The following PILRA variants were observed in gnomAD, a reference collection of about 807,000 sequenced individuals.
PILRA encodes the protein paired immunoglobin like type 2 receptor alpha, also known as paired immunoglobulin-like type 2 receptor alpha.
PILRA carries 37 observed loss-of-function variants against 33.1 expected under a neutral mutation model. The observed-to-expected ratio is 1.12, with a 90% CI of 0.86 to 1.47. The LOEUF is 1.47. PILRA is among the 40% of genes most tolerant of loss of function. The probability of loss-of-function intolerance (pLI) is 0.00; values close to 1 mark genes in which losing one functional copy is unlikely to be tolerated. For missense variants in PILRA, 312 were observed against 376.2 expected (o/e 0.83, Z 1.41); for synonymous variants, 146 against 149.9 (o/e 0.97, Z 0.19).
intron 2 of PILRA, chr7:100,374,758 C>T (rs1386584075): frequency 2.4e-6 from 1 of 412,834 alleles, no homozygotes; most frequent in Admixed American, 3.6e-5. Flanking sequence ...CCTGGCCTCT[C>T]CCCATAACCT....
At chr7:100,384,794 C>T (rs1316439545) in intron 2 of PILRA, among the ~76,000 whole-genome samples, 1 of 152,056 alleles carries the variant, frequency 6.6e-6, no homozygotes, top group Admixed American at 6.6e-5. Context: ...CAGGATACCA[C>T]TGATATTTAA....
At chr7:100,379,668 C>CAAAA (rs57322009) in intron 2 of PILRA, among the ~76,000 whole-genome samples, 5 of 69,002 alleles carry the variant, frequency 7.2e-5, no homozygotes, top group Admixed American at 3.4e-4. Flanking sequence ...ACTCTGTCTC[C>CAAAA]AAAAAAAAAA....
rs1475095141 is a variant in PILRA at position 100,374,380 on chromosome 7, C to G, written c.401C>G (p.Ser134Ter). Residue 134 changes from serine to a stop codon, truncating the protein, a stop_gained, in exon 2 of 7, where the codon TCA becomes TGA. Coordinates refer to ENST00000198536, the MANE Select transcript of PILRA (RefSeq NM_013439.3). LOFTEE classifies it high-confidence loss of function. ...CGAGTTGAGCTGGACACACGGAGCT[C>G]AGGGAGGCAGCAGTGGCAGTCCATC... ...FCRVELDTRS[S>*]GRQQWQSIEG... The G allele has an allele frequency of 1.9e-6, 3 of 1,614,108 alleles. No homozygotes were observed. In the South Asian group the frequency reaches 3.3e-5, roughly 18 times the overall value.
chr7:100,390,348 C>A (rs1791364110), intron 3 of PILRA, among the ~76,000 whole-genome samples: 1 of 152,110 alleles, frequency 6.6e-6, no homozygotes, highest in Non-Finnish European at 1.5e-5. Context: ...CCTAGTTCTT[C>A]TCTCTCAGTC....
chr7:100,371,564 T>C (rs1043353398), upstream of PILRA, among the ~76,000 whole-genome samples: 3 of 151,984 alleles, frequency 2.0e-5, no homozygotes, highest in Non-Finnish European at 4.4e-5. Context: ...CAAGCAGTGG[T>C]TCTCATAATG....
chr7:100,384,236 G>C (rs73401450), intron 2 of PILRA, among the ~76,000 whole-genome samples: 25,180 of 151,726 alleles, frequency 0.17, 2,236 homozygotes, highest in Non-Finnish European at 0.19. Flanking sequence ...ACGGAAGAAC[G>C]GGTTTAGGGG....
chr7:100,379,343 C>G (rs1176599932), intron 2 of PILRA, among the ~76,000 whole-genome samples: 1 of 151,722 alleles, frequency 6.6e-6, no homozygotes, highest in Middle Eastern at 3.2e-3. Context: ...CATGCCATTG[C>G]ACTGCAGCCT....
rs113413046 is a variant in PILRA, at chr7:100,386,328, T to C, written c.455-3560T>C. On this transcript the variant is annotated intron_variant, in intron 2 of 6. Coordinates refer to ENST00000198536, the MANE Select transcript of PILRA (RefSeq NM_013439.3). ...TGCATCCCATGGTAGTGATGTATCA[T>C]AATTTATTTAATCCCTGTCCCAGAA... 3.8e-3 allele frequency among the ~76,000 whole-genome samples: 580 copies of C among 152,240 alleles called. 5 individuals carry two copies. Among genetic ancestry groups the C allele is most frequent in the African/African-American group, 0.013 (550 of 41,568 alleles).
chr7:100,371,728 C>T (rs897698950), upstream of PILRA, among the ~76,000 whole-genome samples: 1 of 152,182 alleles, frequency 6.6e-6, no homozygotes, highest in Non-Finnish European at 1.5e-5. Context: ...CTCAGAAGCC[C>T]TGTCTGTGAG....
At chr7:100,389,791 C>T in intron 2 of PILRA, 97 bp from the exon 3 acceptor site, 1 of 1,001,912 alleles carries the variant, frequency 1.0e-6, no homozygotes, top group East Asian at 2.4e-5. Flanking sequence ...TCCCTCACCA[C>T]TAATGTCCCC....
rs750517500 is a variant in PILRA, at chr7:100,399,916, C to G, written c.*9C>G. On this transcript the variant is annotated 3_prime_UTR_variant, in exon 7 of 7. Transcript: ENST00000198536. ...CTGTCTTAAAGGCCTAACCAATGGACAGCCCTCTCAAGACTGAATGGTGAG... is the reference window on the plus strand; with the variant it reads ...CTGTCTTAAAGGCCTAACCAATGGAGAGCCCTCTCAAGACTGAATGGTGAG... The G allele has an allele frequency of 1.3e-6, 2 of 1,593,480 alleles. No individual in the cohort carries two copies. The highest frequency in any genetic ancestry group is 1.7e-6 in the Non-Finnish European group (2 of 1,170,184).
chr7:100,373,467 G>A, upstream of PILRA: 1 of 646,756 alleles, frequency 1.5e-6, no homozygotes, highest in East Asian at 2.7e-5. Context: ...TAAGCCAGAT[G>A]GATAAAGGAA....
chr7:100,392,984 A>C (rs1791418180), intron 3 of PILRA, among the ~76,000 whole-genome samples: 2 of 152,220 alleles, frequency 1.3e-5, no homozygotes, highest in Admixed American at 6.5e-5. Flanking sequence ...CCATGGATTA[A>C]AATATTAAAA....
chr7:100,393,931 C>T lies in PILRA; in HGVS notation c.673+3825C>T, dbSNP rs545589969. ...AGAGCCCCGGCCCTCTCCACACAGC[C>T]GATCCCCGCCCCTCCGACCCAGTTT... On this transcript the variant is annotated intron_variant, in intron 3 of 6. Coordinates refer to ENST00000198536, the MANE Select transcript of PILRA (RefSeq NM_013439.3). Among the ~76,000 whole-genome samples the T allele has an allele frequency of 2.2e-3, 336 of 152,306 alleles. 1 individual carries two copies. The highest frequency in any genetic ancestry group is 3.3e-3 in the Non-Finnish European group (223 of 68,030).
At chr7:100,390,484 A>G (rs1374401073) in intron 3 of PILRA, among the ~76,000 whole-genome samples, 1 of 152,198 alleles carries the variant, frequency 6.6e-6, no homozygotes, top group Admixed American at 6.5e-5. Context: ...CCAACTGCCC[A>G]CCTGCCACGG....
At chr7:100,375,886 C>T (rs1790935487) in intron 2 of PILRA, among the ~76,000 whole-genome samples, 1 of 152,198 alleles carries the variant, frequency 6.6e-6, no homozygotes, top group South Asian at 2.1e-4. Flanking sequence ...ATGTGTTGCA[C>T]TAATAGATCT....
In PILRA at chr7:100,399,618, C is replaced by T. The variant is rs374970662; in HGVS notation, c.789+6C>T. The T allele has an allele frequency of 5.5e-4, 887 of 1,613,922 alleles. 2 individuals carry two copies. The highest frequency in any genetic ancestry group is 6.2e-4 in the Non-Finnish European group (729 of 1,179,968). ...ATCCCAAGCTAAATCCCAAGGTAAG[C>T]AATCAGACCAGGGCCTGAAGGAATT... On this transcript the variant is annotated splice_donor_region_variant and intron_variant, in intron 6 of 6. Coordinates refer to ENST00000198536, the MANE Select transcript of PILRA (RefSeq NM_013439.3).
At position 100,388,410 on chromosome 7, in the gene PILRA, A is replaced by T. The variant is rs1791301216; in HGVS notation, c.455-1478A>T. Among the ~76,000 whole-genome samples the T allele has an allele frequency of 2.6e-5, 4 of 152,034 alleles. No individual in the cohort carries two copies. The South Asian group carries it at 8.3e-4, about 31-fold the overall frequency. On this transcript the variant is annotated intron_variant, in intron 2 of 6. Transcript: ENST00000198536. ...TAAAAACATATTTTCAATATACAGT[A>T]GGTTTTTTACAGATGTGTTCTCACT...
intron 2 of PILRA, among the ~76,000 whole-genome samples, chr7:100,386,070 C>T (rs770703715): frequency 1.3e-5 from 2 of 152,100 alleles, no homozygotes; most frequent in Non-Finnish European, 1.5e-5. Context: ...GCTGGGATTA[C>T]AAGCACGTGT....
Sources: gnomAD v4.1 joint callset for allele counts (sites outside exome capture counted in the v4.1 genomes callset) on GRCh38, gnomAD v4.1.1 for gene constraint, MANE v1.5 for transcripts, NCBI Gene and HGNC (gene_info 2026-07-23, HGNC 2026-07-21) for gene names.